Variants in VSNL1 observed in about 807,000 individuals in gnomAD.
VSNL1 encodes the protein visinin-like protein 1.
In VSNL1, 6 loss-of-function variants were observed where a neutral mutation model predicts 20.4. The observed-to-expected ratio is 0.29, with a 90% CI of 0.16 to 0.58. The LOEUF is 0.58. VSNL1 is among the 20% of genes least tolerant of loss of function. The pLI, the probability that VSNL1 is intolerant of heterozygous loss-of-function variation, is 0.90. For missense variants in VSNL1, 100 were observed against 234.5 expected (o/e 0.43, Z 3.75); for synonymous variants, 93 against 86.4 (o/e 1.08, Z -0.42).
At chr2:17,542,726 A>G (rs17314688) in intron 1 of VSNL1, among the ~76,000 whole-genome samples, 4,453 of 152,252 alleles carry the variant, frequency 0.029, 64 homozygotes, top group Middle Eastern at 0.054. Flanking sequence ...GCAGGTGTTG[A>G]CACTGCATTG....
At chr2:17,580,445 T>C (rs1020011976) in intron 1 of VSNL1, among the ~76,000 whole-genome samples, 1 of 152,052 alleles carries the variant, frequency 6.6e-6, no homozygotes, top group Non-Finnish European at 1.5e-5. Context: ...CAGGAAGTTT[T>C]CCAAGCCTCC....
Position 17,653,742 on chromosome 2 carries a change from T to C in VSNL1, c.379-1455T>C, listed in dbSNP as rs377173058. 9.8e-5 allele frequency among the ~76,000 whole-genome samples: 15 copies of C among 152,384 alleles called. No individual in the cohort carries two copies. In the East Asian group the frequency reaches 1.7e-3, roughly 18 times the overall value. ...TTTCTAAAAACAACTTTATGAGTTA[T>C]AACTTACAGACCATAAATTCACCCA... is the stretch of plus-strand genomic sequence containing the variant. On this transcript the variant is annotated intron_variant, in intron 3 of 3. Transcript: ENST00000295156.
intron 2 of VSNL1, among the ~76,000 whole-genome samples, chr2:17,625,840 ATTTTTTT>A (rs35795117): frequency 2.8e-5 from 3 of 108,542 alleles, no homozygotes; most frequent in Non-Finnish European, 3.7e-5. Flanking sequence ...TCCTTAGCTG[ATTTTTTT>A]TTTTTTTTTT....
intron 1 of VSNL1, among the ~76,000 whole-genome samples, chr2:17,561,323 G>A (rs1558282221): frequency 3.3e-5 from 5 of 152,152 alleles, no homozygotes; most frequent in Admixed American, 3.3e-4. Flanking sequence ...GGTGAAGAGA[G>A]GCACAGAAAG....
chr2:17,654,935 A>G (rs1039721937), intron 3 of VSNL1, among the ~76,000 whole-genome samples: 1 of 152,238 alleles, frequency 6.6e-6, no homozygotes, highest in African/African-American at 2.4e-5. Flanking sequence ...TTACAGGAGC[A>G]CGTGCTTCCT....
At chr2:17,581,185 A>G (rs1401634) in intron 1 of VSNL1, among the ~76,000 whole-genome samples, 45,094 of 152,078 alleles carry the variant, frequency 0.3, 8,273 homozygotes, top group East Asian at 0.8. Context: ...TCATGGTTCA[A>G]TATCAACATT....
At chr2:17,627,554 G>A (rs764289302) in intron 2 of VSNL1, among the ~76,000 whole-genome samples, 5 of 152,142 alleles carry the variant, frequency 3.3e-5, no homozygotes, top group Admixed American at 6.6e-5. Flanking sequence ...CCAGTGAATC[G>A]GGAATGTTGA....
At chr2:17,550,059 T>C (rs1663494726) in intron 1 of VSNL1, among the ~76,000 whole-genome samples, 1 of 152,214 alleles carries the variant, frequency 6.6e-6, no homozygotes, top group Non-Finnish European at 1.5e-5. Context: ...ACCTACCCTT[T>C]GTAGTTACGA....
intron 2 of VSNL1, among the ~76,000 whole-genome samples, chr2:17,594,672 C>T (rs922241059): frequency 1.3e-5 from 2 of 152,180 alleles, no homozygotes; most frequent in African/African-American, 4.8e-5. Context: ...AGCCTCTGCC[C>T]TCCTGTGTGT....
At chr2:17,559,351 T>G (rs574284103) in intron 1 of VSNL1, among the ~76,000 whole-genome samples, 1 of 150,262 alleles carries the variant, frequency 6.7e-6, no homozygotes, top group Admixed American at 6.7e-5. Context: ...TAAGATACAA[T>G]AAATATTTAA....
Position 17,575,149 on chromosome 2 carries a change from T to C in VSNL1, c.-5-16921T>C, listed in dbSNP as rs530713489. Reference sequence around the variant, plus strand: ...AGCCTATTAAACTTTTTGTAGGAGATGGCCAAGAGCTGAACCTCTTCCTTC... The same window carrying C: ...AGCCTATTAAACTTTTTGTAGGAGACGGCCAAGAGCTGAACCTCTTCCTTC... On this transcript the variant is annotated intron_variant, in intron 1 of 3. Coordinates refer to ENST00000295156, the MANE Select transcript of VSNL1 (RefSeq NM_003385.5). Among the ~76,000 whole-genome samples, 16 of 152,170 alleles carry C rather than the reference T, an allele frequency of 1.1e-4. No individual in the cohort carries two copies. The South Asian group carries it at 3.3e-3, about 32-fold the overall frequency.
In VSNL1 at chr2:17,649,039, G is replaced by A. The variant is rs755533186; in HGVS notation, c.163-371G>A. Among the ~76,000 whole-genome samples, 12 of 152,278 alleles carry A rather than the reference G, an allele frequency of 7.9e-5. No homozygotes were observed. The highest frequency in any genetic ancestry group is 1.9e-4 in the East Asian group (1 of 5,176). On this transcript the variant is annotated intron_variant, in intron 2 of 3. Transcript: ENST00000295156. The surrounding 1 kb of genome is among the most constrained non-coding windows in gnomAD (Gnocchi z 6.4). Reference sequence around the variant, plus strand: ...CATATCTAGAGGAACATTGAAGTTCGTGTAGCACCACCTGTGTGGGGAGAG... The same window carrying A: ...CATATCTAGAGGAACATTGAAGTTCATGTAGCACCACCTGTGTGGGGAGAG...
chr2:17,628,353 T>C (rs930147090), intron 2 of VSNL1, among the ~76,000 whole-genome samples: 9 of 152,332 alleles, frequency 5.9e-5, no homozygotes, highest in African/African-American at 1.7e-4. Flanking sequence ...GTCTGATATA[T>C]AGTGTAGGGA....
At chr2:17,584,889 G>A (rs1275794325) in intron 1 of VSNL1, among the ~76,000 whole-genome samples, 1 of 152,100 alleles carries the variant, frequency 6.6e-6, no homozygotes, top group African/African-American at 2.4e-5. Flanking sequence ...GCCTCCTTGG[G>A]CCTCCTCTAG....
intron 2 of VSNL1, among the ~76,000 whole-genome samples, chr2:17,604,449 A>G (rs1467489694): frequency 1.3e-5 from 2 of 152,240 alleles, no homozygotes; most frequent in Non-Finnish European, 2.9e-5. Flanking sequence ...TACAGATCCC[A>G]GCCAGAGCTG....
chr2:17,645,311 C>G (rs1665969210), intron 2 of VSNL1, among the ~76,000 whole-genome samples: 1 of 152,254 alleles, frequency 6.6e-6, no homozygotes, highest in South Asian at 2.1e-4. Flanking sequence ...CCACCCCACC[C>G]CCACCCAAAG....
intron 1 of VSNL1, among the ~76,000 whole-genome samples, chr2:17,544,521 A>G (rs1663365292): frequency 6.6e-6 from 1 of 152,132 alleles, no homozygotes; most frequent in African/African-American, 2.4e-5. Flanking sequence ...CATCAGGAAT[A>G]TTGTCTTGGG....
intron 2 of VSNL1, among the ~76,000 whole-genome samples, chr2:17,632,394 G>C (rs912947956): frequency 1.5e-4 from 23 of 151,956 alleles, no homozygotes; most frequent in African/African-American, 5.3e-4. Flanking sequence ...TCTGCCTCCC[G>C]GGTTCAAGTG....
chr2:17,624,003 C>T (rs750597321), intron 2 of VSNL1, among the ~76,000 whole-genome samples: 3 of 151,880 alleles, frequency 2.0e-5, no homozygotes, highest in East Asian at 1.9e-4. Flanking sequence ...TAGGTCCAAA[C>T]GTGCCACAGG....
Sources: allele counts gnomAD v4.1 joint callset (sites outside exome capture counted in the v4.1 genomes callset), GRCh38; gene constraint gnomAD v4.1.1; non-coding constraint Gnocchi (gnomAD v3.1); transcripts MANE v1.5; gene names NCBI Gene and HGNC (gene_info 2026-07-23, HGNC 2026-07-21).